The following TTC6 variants were observed in gnomAD, a reference collection of about 807,000 sequenced individuals.
TTC6 encodes the protein tetratricopeptide repeat domain 6.
TTC6 carries 172 observed loss-of-function variants against 210.4 expected under a neutral mutation model. That is an observed-to-expected ratio of 0.82 (90% confidence interval 0.72 to 0.93). The LOEUF is 0.93. Among genes scored for constraint, TTC6 ranks in the 40% least tolerant of loss-of-function variants. TTC6 has a pLI of 0.00. For missense variants in TTC6, 2,414 were observed against 2,318.1 expected (o/e 1.04, Z -0.85); for synonymous variants, 804 against 819.6 (o/e 0.98, Z 0.32).
chr14:37,778,911 G>T (rs1025334751), intron 14 of TTC6, among the ~76,000 whole-genome samples: 3 of 152,180 alleles, frequency 2.0e-5, no homozygotes, highest in Non-Finnish European at 2.9e-5. Flanking sequence ...TAGGGCTAAA[G>T]TCTCCAAGGG....
rs368768757 is a variant in TTC6, at chr14:37,762,722, G to C, written c.3266+9487G>C. Among the ~76,000 whole-genome samples, 25 of 152,182 alleles carry C rather than the reference G, an allele frequency of 1.6e-4. 1 individual carries two copies. The East Asian group carries it at 1.7e-3, about 11-fold the overall frequency. On this transcript the variant is annotated intron_variant, in intron 14 of 30. Coordinates refer to ENST00000553443, the Ensembl canonical transcript of TTC6. ...TTGCTGTGCAGAAGCTTTTCAGTTT[G>C]ATGTAATGCCACTTGTGTATTTTTG... is the stretch of plus-strand genomic sequence containing the variant.
chr14:37,796,205 G>A (rs2096092401), intron 18 of TTC6, 89 bp from the exon 21 acceptor site: 3 of 545,808 alleles, frequency 5.5e-6, no homozygotes, highest in Admixed American at 4.1e-5. Context: ...TGAATATATT[G>A]TAAAATTGTA....
At chr14:37,748,994 T>C (rs2139018135) in exon 11 of TTC6, 1 of 1,534,002 alleles carries the variant, frequency 6.5e-7, no homozygotes, top group Non-Finnish European at 8.7e-7. Flanking sequence ...CAAAGTTCCA[T>C]TATATGAACG....
intron 1 of TTC6, among the ~76,000 whole-genome samples, chr14:37,597,552 A>C (rs1467739527): frequency 6.6e-6 from 1 of 152,124 alleles, no homozygotes; most frequent in Non-Finnish European, 1.5e-5. Context: ...TTCAAAAAAA[A>C]AAAATTGACT....
At chr14:37,680,498 A>G (rs2095781063) in intron 2 of TTC6, among the ~76,000 whole-genome samples, 3 of 152,100 alleles carry the variant, frequency 2.0e-5, no homozygotes, top group South Asian at 2.1e-4. Flanking sequence ...GAAGGGGAGG[A>G]CTTTAACAAT....
At chr14:37,687,695 A>G (rs1161099491) in intron 3 of TTC6, among the ~76,000 whole-genome samples, 1 of 152,122 alleles carries the variant, frequency 6.6e-6, no homozygotes, top group Non-Finnish European at 1.5e-5. Flanking sequence ...TAGCTCCCAG[A>G]CATTTCTAGA....
At chr14:37,599,454 C>T (rs1339236494) in intron 1 of TTC6, among the ~76,000 whole-genome samples, 2 of 152,206 alleles carry the variant, frequency 1.3e-5, no homozygotes, top group African/African-American at 2.4e-5. Context: ...GTAAAAGCAA[C>T]GCATAAACAT....
chr14:37,646,488 A>G (rs1338306060), intron 1 of TTC6, among the ~76,000 whole-genome samples: 5 of 152,188 alleles, frequency 3.3e-5, no homozygotes, highest in African/African-American at 9.6e-5. Context: ...AAAGTAATAC[A>G]AGAAGACATG....
At chr14:37,780,182 T>A (rs1042682106) in intron 14 of TTC6, among the ~76,000 whole-genome samples, 4 of 152,210 alleles carry the variant, frequency 2.6e-5, no homozygotes, top group African/African-American at 9.6e-5. Context: ...TGAATACTAA[T>A]TAAAAATAAA....
intron 1 of TTC6, among the ~76,000 whole-genome samples, chr14:37,676,196 T>C (rs1326338816): frequency 6.6e-6 from 1 of 152,064 alleles, no homozygotes; most frequent in Non-Finnish European, 1.5e-5. Flanking sequence ...CACTAAAGAA[T>C]GATTAGTTAG....
intron 26 of TTC6, among the ~76,000 whole-genome samples, chr14:37,821,671 G>A (rs977071224): frequency 6.7e-6 from 1 of 150,034 alleles, no homozygotes; most frequent in Non-Finnish European, 1.5e-5. Context: ...AAAAAATACC[G>A]TATCACATTG....
chr14:37,749,039 A>C, exon 11 of TTC6: 1 of 1,535,752 alleles, frequency 6.5e-7, no homozygotes, highest in Non-Finnish European at 8.7e-7. Context: ...TTTGTATTTA[A>C]ATTTTGAAAA....
intron 18 of TTC6, among the ~76,000 whole-genome samples, chr14:37,795,899 A>G (rs1323818894): frequency 6.6e-6 from 1 of 152,160 alleles, no homozygotes; most frequent in African/African-American, 2.4e-5. Context: ...GACCTGGGAA[A>G]TGGAATGTGA....
At chr14:37,814,622 A>G (rs1390482347) in intron 25 of TTC6, among the ~76,000 whole-genome samples, 2 of 152,208 alleles carry the variant, frequency 1.3e-5, no homozygotes, top group Non-Finnish European at 2.9e-5. Flanking sequence ...AAAAGTGCCA[A>G]CTATATTTTG....
intron 7 of TTC6, among the ~76,000 whole-genome samples, chr14:37,730,439 T>C (rs1380901033): frequency 6.6e-6 from 1 of 152,196 alleles, no homozygotes; most frequent in Non-Finnish European, 1.5e-5. Context: ...AATGTTTCAC[T>C]TTACTCCCAT....
intron 5 of TTC6, among the ~76,000 whole-genome samples, chr14:37,707,804 C>T (rs1467246891): frequency 1.3e-5 from 2 of 151,920 alleles, no homozygotes; most frequent in Non-Finnish European, 2.9e-5. Flanking sequence ...TCTGGCTACC[C>T]AAAGTTAATA....
At position 37,623,008 on chromosome 14, in the gene TTC6, G is replaced by C; in HGVS notation, c.939+5G>C. 3 of 1,455,870 alleles carry C rather than the reference G, an allele frequency of 2.1e-6. No homozygotes were observed. Among genetic ancestry groups the C allele is most frequent in the Non-Finnish European group, 1.8e-6 (2 of 1,106,758 alleles). 90.2% of individuals were successfully genotyped at this position (1,455,870 alleles called of 1,614,324 possible). A position where few individuals can be genotyped will look rare whatever the true frequency, so the allele number is the denominator to read the frequency against. The stretch of plus-strand genomic sequence containing the variant: ...AACTACGACATTACAATGGAAGTAG[G>C]TGAACCAAAACAAGAGTAACATTTT... On this transcript the variant is annotated splice_donor_5th_base_variant and intron_variant, in intron 1 of 30. Transcript: ENST00000553443.
At chr14:37,612,634 T>A (rs2095636526) in intron 2 of TTC6, among the ~76,000 whole-genome samples, 1 of 152,256 alleles carries the variant, frequency 6.6e-6, no homozygotes, top group African/African-American at 2.4e-5. Context: ...ACATGATATG[T>A]CTCCATTTAT....
chr14:37,701,353 G>A, exon 5 of TTC6: 2 of 1,453,728 alleles, frequency 1.4e-6, no homozygotes, highest in Non-Finnish European at 1.8e-6. Context: ...ACTACTCCAT[G>A]CCGCACCTTC....
Sources: gnomAD v4.1 joint callset for allele counts (sites outside exome capture counted in the v4.1 genomes callset) on GRCh38, gnomAD v4.1.1 for gene constraint, MANE v1.5 for transcripts, NCBI Gene and HGNC (gene_info 2026-07-23, HGNC 2026-07-21) for gene names.